Variants in ITPR1 observed in about 807,000 individuals in gnomAD.
The protein encoded by ITPR1 is inositol 1,4,5-trisphosphate receptor type 1.
In ITPR1, 96 loss-of-function variants were observed where a neutral mutation model predicts 318.4. The observed-to-expected ratio is 0.30, with a 90% CI of 0.26 to 0.36. The LOEUF is 0.36. ITPR1 is among the 10% of genes least tolerant of loss of function. The probability of loss-of-function intolerance (pLI) is 1.00; values close to 1 mark genes in which losing one functional copy is unlikely to be tolerated. For missense variants in ITPR1, 2,440 were observed against 3,460.2 expected, an observed-to-expected ratio of 0.71 and a Z score of 7.40; for synonymous variants, 1,312 against 1,289.9, an observed-to-expected ratio of 1.02 and a Z score of -0.37.
In ITPR1 at chr3:4,702,940, G is replaced by T; in HGVS notation, c.4647G>T (p.Leu1549=). ...KASVESCIRV[L]SDVAKSRAIA... Reference sequence around the variant, plus strand: ...CCGTGGAGAGCTGTATTCGGGTGCTGTCTGATGTAGGTAAGATACCAAGTC... The same window carrying T: ...CCGTGGAGAGCTGTATTCGGGTGCTTTCTGATGTAGGTAAGATACCAAGTC... Residue 1549 remains leucine (L), a synonymous_variant, in exon 36 of 62, where the codon CTG becomes CTT. Transcript: ENST00000649015. The T allele has an allele frequency of 6.2e-7, 1 of 1,613,814 alleles. No homozygotes were observed. The highest frequency in any genetic ancestry group is 1.1e-5 in the South Asian group (1 of 91,086).
intron 39 of ITPR1, among the ~76,000 whole-genome samples, chr3:4,713,368 G>T (rs2041523651): frequency 6.6e-6 from 1 of 152,184 alleles, no homozygotes; most frequent in Admixed American, 6.5e-5. Context: ...CATAACCGAG[G>T]TATTTAAAGT....
intron 30 of ITPR1, among the ~76,000 whole-genome samples, chr3:4,688,207 G>A (rs777817475): frequency 6.6e-6 from 1 of 152,104 alleles, no homozygotes; most frequent in Admixed American, 6.5e-5. Context: ...AGAAGTAGGG[G>A]GTTCAGAAGT....
intron 4 of ITPR1, among the ~76,000 whole-genome samples, chr3:4,627,187 G>A (rs922655946): frequency 2.6e-5 from 4 of 151,960 alleles, no homozygotes; most frequent in Non-Finnish European, 4.4e-5. Context: ...AAAAATACTT[G>A]TATGCATTGT....
chr3:4,612,668 CCT>C (rs1215773748), intron 4 of ITPR1, among the ~76,000 whole-genome samples: 28 of 152,106 alleles, frequency 1.8e-4, no homozygotes, highest in Non-Finnish European at 4.0e-4. Context: ...AGGCGGATCA[CCT>C]GAGGTCAGGA....
chr3:4,599,595 G>C (rs912713689), intron 4 of ITPR1, among the ~76,000 whole-genome samples: 2 of 152,224 alleles, frequency 1.3e-5, no homozygotes, highest in Non-Finnish European at 2.9e-5. Context: ...GCTGTAGGCA[G>C]TTGGGTTTGT....
intron 4 of ITPR1, among the ~76,000 whole-genome samples, chr3:4,622,328 T>C (rs991680316): frequency 1.3e-5 from 2 of 149,972 alleles, no homozygotes; most frequent in African/African-American, 4.9e-5. Context: ...TTGGCCAGGA[T>C]GGTCTCGATC....
chr3:4,770,269 C>A (rs1029231663), intron 46 of ITPR1, among the ~76,000 whole-genome samples: 9 of 152,226 alleles, frequency 5.9e-5, no homozygotes, highest in African/African-American at 2.2e-4. Context: ...GTGAATTGCT[C>A]TCACTTAAAA....
chr3:4,627,510 C>T (rs1401408533), intron 4 of ITPR1, among the ~76,000 whole-genome samples: 1 of 152,100 alleles, frequency 6.6e-6, no homozygotes, highest in Admixed American at 6.6e-5. Context: ...ACACAAAACA[C>T]TGAATTTGTA....
intron 52 of ITPR1, among the ~76,000 whole-genome samples, chr3:4,790,511 T>C (rs570445049): frequency 1.3e-5 from 2 of 152,270 alleles, no homozygotes; most frequent in South Asian, 2.1e-4. Context: ...AAGAGAGAAA[T>C]TGAAAATAAT....
At chr3:4,638,223 G>A (rs940266691) in intron 5 of ITPR1, among the ~76,000 whole-genome samples, 10 of 152,272 alleles carry the variant, frequency 6.6e-5, no homozygotes, top group African/African-American at 1.9e-4. Context: ...GAGTGCCTTC[G>A]AAACCCTTCT....
chr3:4,694,344 GTATAT>G (rs1237437092), intron 33 of ITPR1, among the ~76,000 whole-genome samples: 5 of 141,744 alleles, frequency 3.5e-5, no homozygotes, highest in Non-Finnish European at 7.4e-5. Context: ...GATATATAAA[GTATAT>G]TATAAAGTAT....
At chr3:4,814,108 C>T (rs1285078202) in intron 57 of ITPR1, among the ~76,000 whole-genome samples, 1 of 152,158 alleles carries the variant, frequency 6.6e-6, no homozygotes, top group Non-Finnish European at 1.5e-5. Flanking sequence ...TGCGAAGCAA[C>T]TCATCTGACA....
At chr3:4,503,189 A>C (rs1035511899) in intron 2 of ITPR1, among the ~76,000 whole-genome samples, 2 of 152,180 alleles carry the variant, frequency 1.3e-5, no homozygotes, top group Non-Finnish European at 2.9e-5. Context: ...GTTGTTCAGT[A>C]CAAATCTCTG....
At position 4,782,670 on chromosome 3, in the gene ITPR1, G is replaced by A; in HGVS notation, c.6439G>A (p.Gly2147Arg). The change falls in exon 50 of 62, where the codon GGA becomes AGA. Residue 2147 changes from glycine to arginine, a missense_variant. Physicochemically the swap from Gly to Arg is moderately radical, Grantham distance 125. Transcript: ENST00000649015. ...GCAAGGTGAAGTGGAATTTGAGGAT[G>A]GAGAAAACGGTGAGGATGGGGCGGC... ...YMQGEVEFED[G>R]ENGEDGAASP... 6.2e-7 allele frequency: 1 copy of A among 1,604,774 alleles called. No individual in the cohort carries two copies. Among genetic ancestry groups the A allele is most frequent in the Non-Finnish European group, 8.5e-7 (1 of 1,175,046 alleles).
intron 44 of ITPR1, among the ~76,000 whole-genome samples, chr3:4,759,708 A>G (rs1221178322): frequency 6.6e-6 from 1 of 152,158 alleles, no homozygotes; most frequent in East Asian, 1.9e-4. Flanking sequence ...TTATCCTAAG[A>G]TGGTGTTTTG....
At position 4,697,230 on chromosome 3, in the gene ITPR1, C is replaced by T; in HGVS notation, c.4365C>T (p.His1455=). ...TGAAGGAGATTTATACCAGCAATCA[C>T]ATGTGGAAATTGTTTGAGAATTTCC... is the stretch of plus-strand genomic sequence containing the variant. ...VEMKEIYTSN[H]MWKLFENFLV... The change falls in exon 34 of 62, where the codon CAC becomes CAT. Residue 1455 remains histidine (H), a synonymous_variant. Coordinates refer to ENST00000649015, the MANE Select transcript of ITPR1 (RefSeq NM_001378452.1). 6.3e-7 allele frequency: 1 copy of T among 1,581,734 alleles called. No homozygotes were observed. The highest frequency in any genetic ancestry group is 1.2e-5 in the South Asian group (1 of 86,590).
chr3:4,687,198 T>C (rs2094409140), intron 30 of ITPR1, among the ~76,000 whole-genome samples: 1 of 152,226 alleles, frequency 6.6e-6, no homozygotes, highest in Admixed American at 6.5e-5. Context: ...ACCTACATAA[T>C]GTCCTTGATA....
At chr3:4,677,765 A>G (rs1331524408) in intron 24 of ITPR1, among the ~76,000 whole-genome samples, 2 of 152,116 alleles carry the variant, frequency 1.3e-5, no homozygotes, top group Admixed American at 6.5e-5. Context: ...TGTATGGTGA[A>G]TAGGAATGAT....
At chr3:4,496,020 T>C (rs1397725902) in intron 2 of ITPR1, among the ~76,000 whole-genome samples, 3 of 152,208 alleles carry the variant, frequency 2.0e-5, no homozygotes, top group African/African-American at 7.2e-5. Context: ...TTAGATACTG[T>C]AATGAGTTCA....
Sources: allele counts gnomAD v4.1 joint callset (sites outside exome capture counted in the v4.1 genomes callset), GRCh38; gene constraint gnomAD v4.1.1; transcripts MANE v1.5; gene names NCBI Gene and HGNC (gene_info 2026-07-23, HGNC 2026-07-21).